The following RSRC1 variants were observed in gnomAD, a reference collection of about 807,000 sequenced individuals.
RSRC1 encodes the protein arginine and serine rich coiled-coil 1, also known as serine/Arginine-related protein 53.
Under a neutral mutation model 49.1 loss-of-function variants are expected in RSRC1, and 39 were observed. The observed-to-expected ratio is 0.79, with a 90% CI of 0.61 to 1.04. RSRC1 has a LOEUF of 1.04. Among genes scored for constraint, RSRC1 ranks in the 50% least tolerant of loss-of-function variants. RSRC1 has a pLI of 0.00. For missense variants in RSRC1, 388 were observed against 402.4 expected, an observed-to-expected ratio of 0.96 and a Z score of 0.31; for synonymous variants, 143 against 130.8, an observed-to-expected ratio of 1.09 and a Z score of -0.63.
At chr3:158,360,465 G>C (rs961194758) in intron 6 of RSRC1, among the ~76,000 whole-genome samples, 6 of 152,172 alleles carry the variant, frequency 3.9e-5, no homozygotes, top group African/African-American at 1.4e-4. Flanking sequence ...CTGCCCAGGA[G>C]ACCTTCTGCC....
intron 7 of RSRC1, among the ~76,000 whole-genome samples, chr3:158,462,728 C>T (rs1275677193): frequency 6.6e-6 from 1 of 151,862 alleles, no homozygotes; most frequent in Non-Finnish European, 1.5e-5. Flanking sequence ...TCTTTTAAGA[C>T]ATTTGCTTAA....
intron 3 of RSRC1, among the ~76,000 whole-genome samples, chr3:158,161,765 A>AATAC (rs887717048): frequency 3.3e-5 from 5 of 152,128 alleles, no homozygotes; most frequent in South Asian, 2.1e-4. Context: ...ATGTCTCAAA[A>AATAC]ATACATACAT....
chr3:158,257,063 T>C (rs1274511865), intron 4 of RSRC1, among the ~76,000 whole-genome samples: 3 of 152,190 alleles, frequency 2.0e-5, no homozygotes, highest in Non-Finnish European at 2.9e-5. Flanking sequence ...TTTTTGTGTC[T>C]CTATCTCCTT....
At chr3:158,241,132 A>G (rs1267072884) in intron 4 of RSRC1, among the ~76,000 whole-genome samples, 1 of 152,204 alleles carries the variant, frequency 6.6e-6, no homozygotes, top group South Asian at 2.1e-4. Flanking sequence ...ATTTATTACA[A>G]CAAAGAAATT....
chr3:158,526,424 C>G (rs553145600), intron 7 of RSRC1, among the ~76,000 whole-genome samples: 1 of 151,990 alleles, frequency 6.6e-6, no homozygotes, highest in East Asian at 1.9e-4. Context: ...TACGTATTAC[C>G]AAAAATTAGG....
intron 6 of RSRC1, among the ~76,000 whole-genome samples, chr3:158,405,466 T>C (rs1005052326): frequency 3.9e-5 from 6 of 152,130 alleles, no homozygotes; most frequent in African/African-American, 1.4e-4. Flanking sequence ...GAATGTTATT[T>C]TATAGCACTG....
intron 6 of RSRC1, among the ~76,000 whole-genome samples, chr3:158,365,026 A>G (rs1389303105): frequency 1.3e-5 from 2 of 152,062 alleles, no homozygotes; most frequent in Non-Finnish European, 2.9e-5. Context: ...GTAGTTTTTT[A>G]TGTCATTACC....
intron 6 of RSRC1, among the ~76,000 whole-genome samples, chr3:158,400,917 C>T (rs1363947174): frequency 6.6e-6 from 1 of 151,984 alleles, no homozygotes; most frequent in Non-Finnish European, 1.5e-5. Context: ...CTGCAAGCTC[C>T]ATTTATGTTA....
chr3:158,360,703 A>C (rs930303227), intron 6 of RSRC1, among the ~76,000 whole-genome samples: 1 of 152,224 alleles, frequency 6.6e-6, no homozygotes, highest in African/African-American at 2.4e-5. Flanking sequence ...GCTTGGTCCC[A>C]ACCCTGCTCT....
intron 3 of RSRC1, among the ~76,000 whole-genome samples, chr3:158,178,470 C>T (rs1041354977): frequency 6.6e-6 from 1 of 152,102 alleles, no homozygotes; most frequent in African/African-American, 2.4e-5. Context: ...TCCTATTTTT[C>T]CTGATTAATC....
chr3:158,445,096 C>T (rs1014705649), intron 6 of RSRC1, among the ~76,000 whole-genome samples: 4 of 152,100 alleles, frequency 2.6e-5, no homozygotes, highest in South Asian at 2.1e-4. Context: ...GACAGTGTGG[C>T]GATTCCTCAA....
At chr3:158,457,857 G>T (rs948262193) in intron 6 of RSRC1, among the ~76,000 whole-genome samples, 4 of 151,846 alleles carry the variant, frequency 2.6e-5, no homozygotes, top group Non-Finnish European at 5.9e-5. Flanking sequence ...AAAGCTGGTG[G>T]GAACAAGAAA....
At chr3:158,127,083 A>C (rs1419154794) in intron 3 of RSRC1, among the ~76,000 whole-genome samples, 1 of 151,968 alleles carries the variant, frequency 6.6e-6, no homozygotes, top group African/African-American at 2.4e-5. Context: ...TGTTAATTAG[A>C]TTATAATGTG....
rs370605484 is a variant in RSRC1 at position 158,411,808 on chromosome 3, G to A, written c.584-49127G>A. Among the ~76,000 whole-genome samples, 12 of 152,104 alleles carry A rather than the reference G, an allele frequency of 7.9e-5. No individual in the cohort carries two copies. The East Asian group carries it at 2.3e-3, about 29-fold the overall frequency. On this transcript the variant is annotated intron_variant, in intron 6 of 9. Transcript: ENST00000611884. ...GTTTAGGCCATTTTAGTGTTTGTTT[G>A]TTTCTTTTTCCTTATTGACTTGAAG...
intron 6 of RSRC1, among the ~76,000 whole-genome samples, chr3:158,457,298 C>T (rs930339264): frequency 4.6e-5 from 7 of 151,992 alleles, no homozygotes; most frequent in Non-Finnish European, 7.4e-5. Flanking sequence ...CTGCTGGTTC[C>T]GGTACAATCA....
chr3:158,397,034 C>A (rs994510262), intron 6 of RSRC1, among the ~76,000 whole-genome samples: 1 of 151,978 alleles, frequency 6.6e-6, no homozygotes, highest in Non-Finnish European at 1.5e-5. Flanking sequence ...AACAGTGTAC[C>A]ACCTTCATAC....
In RSRC1 at chr3:158,425,966, C is replaced by A. The variant is rs552224669; in HGVS notation, c.584-34969C>A. ...TTAAAATGGTGTCATCAATAGGAAGCAATAGAACATCCAAAAACAGCACCA... is the reference window on the plus strand; with the variant it reads ...TTAAAATGGTGTCATCAATAGGAAGAAATAGAACATCCAAAAACAGCACCA... On this transcript the variant is annotated intron_variant, in intron 6 of 9. Coordinates refer to ENST00000611884, the MANE Select transcript of RSRC1 (RefSeq NM_001271838.2). 7.9e-5 allele frequency among the ~76,000 whole-genome samples: 12 copies of A among 151,652 alleles called. No individual in the cohort carries two copies. The South Asian group carries it at 2.5e-3, about 32-fold the overall frequency.
chr3:158,292,093 A>T (rs1452831053), intron 4 of RSRC1, among the ~76,000 whole-genome samples: 1 of 152,128 alleles, frequency 6.6e-6, no homozygotes, highest in Non-Finnish European at 1.5e-5. Context: ...ATTTTGGACA[A>T]CCTCAGTCTT....
intron 7 of RSRC1, among the ~76,000 whole-genome samples, chr3:158,511,013 A>G (rs1740137832): frequency 2.0e-5 from 3 of 152,146 alleles, no homozygotes; most frequent in Admixed American, 2.0e-4. Flanking sequence ...ATCCTAGAGC[A>G]TGGTATAGCT....
Sources: allele counts gnomAD v4.1 joint callset (sites outside exome capture counted in the v4.1 genomes callset), GRCh38; gene constraint gnomAD v4.1.1; transcripts MANE v1.5; gene names NCBI Gene and HGNC (gene_info 2026-07-23, HGNC 2026-07-21).